The following AKR1C4 variants were observed in gnomAD, a reference collection of about 807,000 sequenced individuals.
AKR1C4 encodes aldo-keto reductase family 1 member C4, also known as 3-alpha-HSD1.
Under a neutral mutation model 41.0 loss-of-function variants are expected in AKR1C4, and 44 were observed. The ratio of observed to expected loss-of-function variants is 1.07; its 90% CI spans 0.84 to 1.38. AKR1C4 has a LOEUF of 1.38. Among genes scored for constraint, AKR1C4 ranks in the 40% most tolerant of loss-of-function variants. The probability of loss-of-function intolerance (pLI) is 0.00; values close to 1 mark genes in which losing one functional copy is unlikely to be tolerated. For missense variants in AKR1C4, 438 were observed against 387.9 expected (o/e 1.13, Z -1.09); for synonymous variants, 165 against 137.7 (o/e 1.20, Z -1.39).
intron 8 of AKR1C4, 119 bp downstream of exon 8, chr10:5,216,912 AGGAACTCTCT>A (rs1266117754): frequency 7.5e-6 from 5 of 663,856 alleles, no homozygotes; most frequent in East Asian, 2.9e-5. Flanking sequence ...GAGGTGAGAC[AGGAACTCTCT>A]GGAACTCTCC....
chr10:5,197,630 G>A (rs533364048), intron 1 of AKR1C4, among the ~76,000 whole-genome samples: 5 of 152,298 alleles, frequency 3.3e-5, no homozygotes, highest in East Asian at 3.9e-4. Context: ...CCTCTGACAC[G>A]GAAGTGGGCA....
In AKR1C4 at chr10:5,200,173, T is replaced by C. The variant is rs782443259; in HGVS notation, c.85-8T>C. The C allele has an allele frequency of 3.7e-6, 6 of 1,607,294 alleles. No individual in the cohort carries two copies. The East Asian group carries it at 1.3e-4, about 36-fold the overall frequency. ...ATCACCAAATACTACCTTTCGTTGC[T>C]CCTTCAGGTTCCGAGGAACAGAGCT... On this transcript the variant is annotated splice_polypyrimidine_tract_variant and splice_region_variant and intron_variant, in intron 1 of 8. Coordinates refer to ENST00000263126, the MANE Select transcript of AKR1C4 (RefSeq NM_001818.5).
chr10:5,197,505 T>A (rs1832329180), intron 1 of AKR1C4, among the ~76,000 whole-genome samples: 1 of 152,156 alleles, frequency 6.6e-6, no homozygotes, highest in Non-Finnish European at 1.5e-5. Context: ...AGGAAAATTA[T>A]CTGAAAGGAA....
chr10:5,206,061 A>C (rs1213091610), intron 4 of AKR1C4, among the ~76,000 whole-genome samples: 2 of 152,198 alleles, frequency 1.3e-5, no homozygotes, highest in African/African-American at 4.8e-5. Flanking sequence ...CTCCCGCTCC[A>C]TGGACATTTA....
intron 5 of AKR1C4, chr10:5,207,528 T>C: frequency 1.9e-6 from 1 of 516,602 alleles, no homozygotes; most frequent in Non-Finnish European, 3.6e-6. Flanking sequence ...TATAAGAAAA[T>C]AAAGATGTCC....
At chr10:5,212,880 AG>A in intron 6 of AKR1C4, 113 bp from the exon 7 acceptor site, 2 of 1,445,280 alleles carry the variant, frequency 1.4e-6, no homozygotes, top group Non-Finnish European at 1.9e-6. Context: ...GCTGCTGTTC[AG>A]GGACCTCACT....
At chr10:5,217,963 A>G (rs1356042460) in intron 8 of AKR1C4, among the ~76,000 whole-genome samples, 2 of 152,244 alleles carry the variant, frequency 1.3e-5, no homozygotes, top group African/African-American at 2.4e-5. Flanking sequence ...AATGTATTAA[A>G]AAGGATAAGC....
rs781875451 is a variant in AKR1C4, at chr10:5,218,772, T to C, written c.*12T>C. On this transcript the variant is annotated 3_prime_UTR_variant, in exon 9 of 9. Coordinates refer to ENST00000263126, the MANE Select transcript of AKR1C4 (RefSeq NM_001818.5). ...CAGATGAATATTAGCATAGAGGGTG[T>C]TGCACGACATCTAGCAGAAGGCCCT... The C allele has an allele frequency of 4.4e-5, 70 of 1,602,036 alleles. No homozygotes were observed. Among genetic ancestry groups the C allele is most frequent in the Non-Finnish European group, 5.6e-5 (65 of 1,169,190 alleles).
intron 5 of AKR1C4, among the ~76,000 whole-genome samples, chr10:5,208,133 A>G (rs939531626): frequency 1.3e-5 from 2 of 151,510 alleles, no homozygotes; most frequent in African/African-American, 4.9e-5. Context: ...CACTGAGGAA[A>G]ATTTAGCAGA....
At chr10:5,211,032 C>T (rs568180931) in intron 5 of AKR1C4, among the ~76,000 whole-genome samples, 17 of 152,320 alleles carry the variant, frequency 1.1e-4, no homozygotes, top group African/African-American at 3.1e-4. Flanking sequence ...CTTTTAGTCA[C>T]GGCAGGAGTG....
intron 2 of AKR1C4, among the ~76,000 whole-genome samples, chr10:5,200,762 A>G (rs1832388718): frequency 6.6e-6 from 1 of 152,078 alleles, no homozygotes. Context: ...CCTCACTCCC[A>G]ACCTAACCCA....
intron 7 of AKR1C4, among the ~76,000 whole-genome samples, chr10:5,213,513 G>A (rs1227568441): frequency 6.6e-6 from 1 of 152,092 alleles, no homozygotes; most frequent in East Asian, 1.9e-4. Context: ...TGTTTACTCA[G>A]TATAAATTTC....
chr10:5,215,723 TAA>T (rs1224339265), intron 7 of AKR1C4, among the ~76,000 whole-genome samples: 2 of 152,278 alleles, frequency 1.3e-5, no homozygotes, highest in Non-Finnish European at 2.9e-5. Context: ...CAGTTTTTAA[TAA>T]GTTTCTCATT....
At chr10:5,212,489 A>C (rs1413780) in intron 5 of AKR1C4, 127 bp from the exon 6 acceptor site, 653,799 of 879,290 alleles carry the variant, frequency 0.74, 246,760 homozygotes, top group East Asian at 0.9. Context: ...TTTTTATAAA[A>C]TGATTGTTAC....
chr10:5,216,842 A>G, intron 8 of AKR1C4, 49 bp downstream of exon 8: 2 of 1,368,232 alleles, frequency 1.5e-6, no homozygotes, highest in Non-Finnish European at 2.1e-6. Flanking sequence ...TAGAGGAGGA[A>G]TGTCAGATGG....
chr10:5,201,785 G>A (rs1554796943), intron 2 of AKR1C4, among the ~76,000 whole-genome samples: 1 of 152,132 alleles, frequency 6.6e-6, no homozygotes. Flanking sequence ...GTTGGTTTTT[G>A]TATAAGGTGA....
intron 7 of AKR1C4, among the ~76,000 whole-genome samples, chr10:5,213,369 G>T: frequency 6.7e-6 from 1 of 149,176 alleles, no homozygotes; most frequent in South Asian, 2.1e-4. Context: ...AGGAATTTTG[G>T]TTTCACAACA....
At chr10:5,204,581 G>A (rs922554141) in intron 3 of AKR1C4, 88 bp downstream of exon 3, 13 of 1,056,596 alleles carry the variant, frequency 1.2e-5, no homozygotes, top group Middle Eastern at 2.0e-4. Context: ...TAAGGAGGGT[G>A]TAGGTGTTAT....
chr10:5,213,680 A>G (rs1210093166), intron 7 of AKR1C4, among the ~76,000 whole-genome samples: 2 of 152,180 alleles, frequency 1.3e-5, no homozygotes, highest in Non-Finnish European at 2.9e-5. Flanking sequence ...ATACAAAACC[A>G]TTTATTTAAC....
Sources: gnomAD v4.1 joint callset for allele counts (sites outside exome capture counted in the v4.1 genomes callset) on GRCh38, gnomAD v4.1.1 for gene constraint, MANE v1.5 for transcripts, NCBI Gene and HGNC (gene_info 2026-07-23, HGNC 2026-07-21) for gene names.